STAG2: variants seen among roughly 807,000 people sequenced by gnomAD.
The protein encoded by STAG2 is STAG2 cohesin complex component.
Under a neutral mutation model 108.1 loss-of-function variants are expected in STAG2, and 14 were observed. The observed-to-expected ratio is 0.13, with a 90% CI of 0.09 to 0.20. The LOEUF is 0.20. Ranked by LOEUF, STAG2 falls within the 10% of genes least tolerant of loss-of-function variation. The pLI is 1.00. For synonymous variants in STAG2, 307 were observed against 302.7 expected (o/e 1.01, Z -0.15); for missense variants, 440 against 940.9 (o/e 0.47, Z 6.96).
At chrX:124,094,789 T>C (rs1387069047) in intron 33 of STAG2, among the ~76,000 whole-genome samples, 1 of 112,389 alleles carries the variant, frequency 8.9e-6, no homozygotes, top group Non-Finnish European at 1.9e-5. Context: ...TCCAGTCTTA[T>C]GATTCTTTTT....
At chrX:124,094,183 G>C (rs1487191890) in intron 33 of STAG2, 39 bp downstream of exon 33, 4 of 1,152,031 alleles carry the variant, frequency 3.5e-6, no homozygotes, top group Non-Finnish European at 4.7e-6. Context: ...TTTCAGTTTA[G>C]ATCTTTTGAA....
At chrX:124,030,744 C>T (rs1375476901) in intron 4 of STAG2, among the ~76,000 whole-genome samples, 1 of 111,258 alleles carries the variant, frequency 9.0e-6, no homozygotes, top group Non-Finnish European at 1.9e-5. Context: ...AGAGGCTATG[C>T]TGCTAACTAC....
At chrX:124,045,586 T>G (rs1360334759) in intron 8 of STAG2, among the ~76,000 whole-genome samples, 1 of 111,550 alleles carries the variant, frequency 9.0e-6, no homozygotes, top group Admixed American at 9.6e-5. Context: ...ATTTGGTAAT[T>G]TTCTTGTATA....
At position 124,008,888 on chromosome X, in the gene STAG2, CATT is replaced by C. The variant is rs995768671; in HGVS notation, c.-162-12478_-162-12476del. On this transcript the variant is annotated intron_variant, in intron 1 of 34. Transcript: ENST00000371145. Reference sequence around the variant, plus strand: ...TTTTGCCAGGAGGATAATTATAACACATTTTTTTTTGAAAGAGTTTTCTAATTG... The same window carrying C: ...TTTTGCCAGGAGGATAATTATAACACTTTTTTTGAAAGAGTTTTCTAATTG... Among the ~76,000 whole-genome samples, 12 of 111,232 alleles carry C rather than the reference CATT, an allele frequency of 1.1e-4. No homozygotes were observed. The Middle Eastern group carries it at 0.014, about 129-fold the overall frequency.
At chrX:124,033,362 T>C (rs191884323) in intron 5 of STAG2, among the ~76,000 whole-genome samples, 1 of 112,402 alleles carries the variant, frequency 8.9e-6, no homozygotes, top group Non-Finnish European at 1.9e-5. Flanking sequence ...CTTTTTTTTG[T>C]ATTATACATT....
Position 124,090,985 on chromosome X carries a change from G to A in STAG2, c.3578+21G>A, listed in dbSNP as rs185639954. On this transcript the variant is annotated intron_variant, in intron 32 of 34. Transcript: ENST00000371145. ...GCCATGTAAGTGAGAGTGCCTTATT[G>A]TCTGAGTCTAGGAAGTTCACTAATT... 18 of 1,083,030 alleles carry A rather than the reference G, an allele frequency of 1.7e-5. No individual in the cohort carries two copies. The East Asian group carries it at 4.2e-4, about 25-fold the overall frequency. 89.3% of individuals were successfully genotyped at this position (1,083,030 alleles called of 1,213,427 possible). A position where few individuals can be genotyped will look rare whatever the true frequency, so the allele number is the denominator to read the frequency against.
intron 1 of STAG2, among the ~76,000 whole-genome samples, chrX:124,012,657 A>G (rs970304340): frequency 1.2e-4 from 13 of 111,738 alleles, no homozygotes; most frequent in Non-Finnish European, 2.4e-4. Context: ...TGGACATGTG[A>G]CATATATGTG....
intron 6 of STAG2, among the ~76,000 whole-genome samples, chrX:124,041,290 A>G (rs1164693757): frequency 9.2e-6 from 1 of 108,624 alleles, no homozygotes; most frequent in Non-Finnish European, 1.9e-5. Context: ...TCTCACCCAG[A>G]TAAGAGGGAG....
At chrX:123,962,277 A>G (rs2053905390) in intron 1 of STAG2, among the ~76,000 whole-genome samples, 1 of 111,243 alleles carries the variant, frequency 9.0e-6, no homozygotes, top group Admixed American at 9.6e-5. Flanking sequence ...TAGTTCCGCA[A>G]AACTTTGAGC....
chrX:123,977,421 T>C lies in STAG2; in HGVS notation c.-163+15565T>C, dbSNP rs958519164. Among the ~76,000 whole-genome samples the C allele has an allele frequency of 1.5e-4, 16 of 107,617 alleles. No homozygotes were observed. In the South Asian group the frequency reaches 4.0e-3, roughly 27 times the overall value. 93.5% of individuals were successfully genotyped at this position (107,617 alleles called of 115,157 possible). ...CCAGTTTGTGTTTTGGTTTTCATAT[T>C]CCACTAGCCTCCCTTTTCTGCTGTT... is the stretch of plus-strand genomic sequence containing the variant. On this transcript the variant is annotated intron_variant, in intron 1 of 34. Coordinates refer to ENST00000371145, the MANE Select transcript of STAG2 (RefSeq NM_001042750.2).
chrX:124,045,458 A>ACTTT, intron 8 of STAG2, 90 bp downstream of exon 8: 1 of 842,200 alleles, frequency 1.2e-6, no homozygotes, highest in Non-Finnish European at 1.7e-6. Context: ...ACAGAGATAC[A>ACTTT]AATTAATTTT....
intron 1 of STAG2, among the ~76,000 whole-genome samples, chrX:123,986,095 TATC>T (rs1224721390): frequency 1.9e-5 from 2 of 105,817 alleles, no homozygotes; most frequent in African/African-American, 3.4e-5. Context: ...ATATGATATA[TATC>T]ATGTATATAT....
chrX:124,065,437 A>AT (rs888102814), intron 20 of STAG2, among the ~76,000 whole-genome samples: 1 of 111,164 alleles, frequency 9.0e-6, no homozygotes, highest in Middle Eastern at 4.2e-3. Flanking sequence ...ATATCTAGTC[A>AT]TTTTTCAGAG....
intron 1 of STAG2, among the ~76,000 whole-genome samples, chrX:124,002,422 T>C (rs1250943633): frequency 1.8e-5 from 2 of 111,959 alleles, no homozygotes; most frequent in East Asian, 2.8e-4. Context: ...TCGGGAGTTA[T>C]AGGTTTGAAT....
intron 1 of STAG2, among the ~76,000 whole-genome samples, chrX:123,964,889 C>G (rs1342174108): frequency 9.2e-6 from 1 of 109,269 alleles, no homozygotes; most frequent in African/African-American, 3.3e-5. Context: ...AAATGTGTTG[C>G]AATGACAATC....
At chrX:123,980,259 A>G (rs1199921352) in intron 1 of STAG2, among the ~76,000 whole-genome samples, 1 of 111,337 alleles carries the variant, frequency 9.0e-6, no homozygotes, top group Non-Finnish European at 1.9e-5. Context: ...ATCATTATGC[A>G]TAGTGTACAT....
intron 34 of STAG2, among the ~76,000 whole-genome samples, chrX:124,097,311 T>C (rs1312043401): frequency 9.0e-6 from 1 of 111,209 alleles, no homozygotes; most frequent in Non-Finnish European, 1.9e-5. Context: ...AGCAAGACTT[T>C]ATAGTACCTA....
intron 1 of STAG2, among the ~76,000 whole-genome samples, chrX:123,996,675 C>T (rs1156663486): frequency 1.8e-5 from 2 of 111,937 alleles, no homozygotes; most frequent in Non-Finnish European, 3.8e-5. Flanking sequence ...TGGCTTCTTT[C>T]ACTTAGCATA....
chrX:124,036,702 G>A (rs377153418), intron 5 of STAG2, among the ~76,000 whole-genome samples: 5 of 110,132 alleles, frequency 4.5e-5, no homozygotes, highest in African/African-American at 1.3e-4. Flanking sequence ...CAGTTTTGTC[G>A]TTGCCTCTCT....
Sources: allele counts gnomAD v4.1 joint callset (sites outside exome capture counted in the v4.1 genomes callset), GRCh38; gene constraint gnomAD v4.1.1; transcripts MANE v1.5; gene names NCBI Gene and HGNC (gene_info 2026-07-23, HGNC 2026-07-21).